Variants in ZFHX3 observed in about 807,000 individuals in gnomAD.
The protein encoded by ZFHX3 is zinc finger homeobox protein 3.
In ZFHX3, 42 loss-of-function variants were observed where a neutral mutation model predicts 279.1. That is an observed-to-expected ratio of 0.15 (90% CI 0.12 to 0.19). The LOEUF (loss-of-function observed/expected upper bound fraction) is 0.19, where lower values mean the gene tolerates loss of function less well. ZFHX3 is among the 10% of genes least tolerant of loss of function. The pLI is 1.00. For synonymous variants in ZFHX3, 2,293 were observed against 1,957.8 expected (o/e 1.17, Z -4.52); for missense variants, 4,981 against 4,754.0 (o/e 1.05, Z -1.40).
At chr16:73,187,151 C>CACACACAT (rs1967929898) in intron 5 of ZFHX3, among the ~76,000 whole-genome samples, 1 of 146,552 alleles carries the variant, frequency 6.8e-6, no homozygotes, top group African/African-American at 2.7e-5. Flanking sequence ...GTCTCACACA[C>CACACACAT]ACACACACAC....
rs2035486836 is a variant in ZFHX3 at position 72,787,739 on chromosome 16, T to TGCC, written c.10534_10536dup (p.Gly3512dup). 1.4e-6 allele frequency: 2 copies of TGCC among 1,396,780 alleles called. No homozygotes were observed. Among genetic ancestry groups the TGCC allele is most frequent in the Non-Finnish European group, 1.9e-6 (2 of 1,072,224 alleles). 86.5% of individuals were successfully genotyped at this position (1,396,780 alleles called of 1,614,324 possible). On this transcript the variant is annotated inframe_insertion, in exon 10 of 10. Coordinates refer to ENST00000268489, the MANE Select transcript of ZFHX3 (RefSeq NM_006885.4). ...CCGCCACCGCCGCCGCCGCCGCCAC[T>TGCC]GCCACCGCCGCCGCCGCCGGTGGGG...
At chr16:73,832,917 T>C (rs1050676788) in intron 1 of ZFHX3, among the ~76,000 whole-genome samples, 1 of 152,214 alleles carries the variant, frequency 6.6e-6, no homozygotes, top group Admixed American at 6.5e-5. Flanking sequence ...TTTGAAATCA[T>C]GAGGCAGGCT....
intron 3 of ZFHX3, among the ~76,000 whole-genome samples, chr16:73,376,842 C>T (rs773057449): frequency 3.3e-5 from 5 of 152,238 alleles, no homozygotes; most frequent in Admixed American, 1.3e-4. Context: ...GAGAGTTGCT[C>T]CATGATCTAA....
chr16:73,550,524 T>C (rs547063837), intron 2 of ZFHX3, among the ~76,000 whole-genome samples: 1 of 152,278 alleles, frequency 6.6e-6, no homozygotes, highest in South Asian at 2.1e-4. Flanking sequence ...CTAAAACTAG[T>C]TTTAATGTTC....
intron 1 of ZFHX3, among the ~76,000 whole-genome samples, chr16:73,038,504 C>T (rs1009545361): frequency 6.6e-6 from 1 of 152,256 alleles, no homozygotes; most frequent in African/African-American, 2.4e-5. Flanking sequence ...ACGGCCACAA[C>T]TGCACGCGGC....
At chr16:73,042,345 A>T (rs1472880067) in intron 1 of ZFHX3, among the ~76,000 whole-genome samples, 1 of 152,174 alleles carries the variant, frequency 6.6e-6, no homozygotes, top group South Asian at 2.1e-4. Flanking sequence ...TGAAATGCAG[A>T]GCCTATGATA....
intron 1 of ZFHX3, among the ~76,000 whole-genome samples, chr16:73,045,519 G>A (rs1341113095): frequency 1.3e-5 from 2 of 152,146 alleles, no homozygotes; most frequent in Admixed American, 1.3e-4. Context: ...GGGGCCTGTG[G>A]AGGGCACCGT....
In ZFHX3 at chr16:73,460,525, T is replaced by C. The variant is rs539955230; in HGVS notation, c.-1546-4267A>G. ...AGTTGTAGGGTGGTGTAATTGCTTG[T>C]TGTTGTTGTTGTTTTTATGAAACTC... On this transcript the variant is annotated intron_variant, in intron 2 of 17. Coordinates refer to the ZFHX3 transcript ENST00000641206. Among the ~76,000 whole-genome samples, 4 of 152,304 alleles carry C rather than the reference T, an allele frequency of 2.6e-5. No individual in the cohort carries two copies. In the South Asian group the frequency reaches 8.3e-4, roughly 32 times the overall value.
intron 1 of ZFHX3, among the ~76,000 whole-genome samples, chr16:73,733,419 C>G (rs1050200447): frequency 7.9e-5 from 12 of 152,114 alleles, no homozygotes; most frequent in African/African-American, 4.8e-5. Context: ...TAATTTTACT[C>G]ATTTTAGGTT....
chr16:72,861,169 T>G (rs2037880437), intron 4 of ZFHX3, among the ~76,000 whole-genome samples: 1 of 152,182 alleles, frequency 6.6e-6, no homozygotes, highest in Non-Finnish European at 1.5e-5. Context: ...GTACCAACTG[T>G]CCCCTACAGC....
intron 7 of ZFHX3, among the ~76,000 whole-genome samples, chr16:73,112,715 C>CAAAAA (rs56149570): frequency 3.3e-5 from 1 of 30,258 alleles, no homozygotes; most frequent in East Asian, 1.5e-3. Context: ...GACTCCATCT[C>CAAAAA]AAAAAAAAAA....
chr16:73,183,615 A>G (rs1967848332), intron 5 of ZFHX3, among the ~76,000 whole-genome samples: 1 of 152,190 alleles, frequency 6.6e-6, no homozygotes, highest in African/African-American at 2.4e-5. Flanking sequence ...TACAGCCCAG[A>G]CTTCACACGC....
intron 1 of ZFHX3, among the ~76,000 whole-genome samples, chr16:73,842,748 G>T (rs1039408597): frequency 1.3e-5 from 2 of 152,130 alleles, no homozygotes; most frequent in African/African-American, 4.8e-5. Context: ...AGGTTCCAGG[G>T]TAGGGGCTGC....
chr16:73,028,161 T>C (rs1004094972), intron 1 of ZFHX3, among the ~76,000 whole-genome samples: 1 of 151,932 alleles, frequency 6.6e-6, no homozygotes, highest in Non-Finnish European at 1.5e-5. Flanking sequence ...AGAGCTTCAG[T>C]CCCAAGATTC....
intron 5 of ZFHX3, among the ~76,000 whole-genome samples, chr16:73,191,688 C>G (rs1968039922): frequency 6.6e-6 from 1 of 152,122 alleles, no homozygotes; most frequent in Non-Finnish European, 1.5e-5. Context: ...CCCCTCTCAC[C>G]CACGGCTCTT....
chr16:73,191,568 A>T (rs560240851), intron 5 of ZFHX3, among the ~76,000 whole-genome samples: 2 of 152,190 alleles, frequency 1.3e-5, no homozygotes, highest in African/African-American at 4.8e-5. Flanking sequence ...GCAGAAAAAC[A>T]AAAAACCAAA....
At chr16:73,835,801 A>G (rs2035884) in intron 1 of ZFHX3, among the ~76,000 whole-genome samples, 2,448 of 152,098 alleles carry the variant, frequency 0.016, 69 homozygotes, top group African/African-American at 0.055. Context: ...CTATTAAGAG[A>G]AAAAAGAAAA....
rs546342761 is a variant in ZFHX3, at chr16:73,170,697, G to C, written c.-1103-26866C>G. On this transcript the variant is annotated intron_variant, in intron 5 of 17. Coordinates refer to the ZFHX3 transcript ENST00000641206. ...CTAGGAAAGGTCAAATCATCAGAGA[G>C]TCTGGGAGGTGGGAAAAGCTGGACA... Among the ~76,000 whole-genome samples the C allele has an allele frequency of 2.7e-4, 41 of 152,328 alleles. 1 individual carries two copies. The Middle Eastern group carries it at 0.014, about 51-fold the overall frequency.
intron 2 of ZFHX3, among the ~76,000 whole-genome samples, chr16:73,529,180 T>G (rs2019748759): frequency 6.6e-6 from 1 of 152,190 alleles, no homozygotes; most frequent in Admixed American, 6.5e-5. Flanking sequence ...CAGTCCTGTA[T>G]TTCATTCCGC....
Sources: gnomAD v4.1 joint callset for allele counts (sites outside exome capture counted in the v4.1 genomes callset) on GRCh38, gnomAD v4.1.1 for gene constraint, MANE v1.5 for transcripts, NCBI Gene and HGNC (gene_info 2026-07-23, HGNC 2026-07-21) for gene names.